Variants in BCAR3 observed in about 807,000 individuals in gnomAD.
The protein encoded by BCAR3 is breast cancer anti-estrogen resistance protein 3.
BCAR3 carries 37 observed loss-of-function variants against 80.1 expected under a neutral mutation model. The ratio of observed to expected loss-of-function variants is 0.46; its 90% CI spans 0.36 to 0.61. BCAR3 has a LOEUF of 0.61. Ranked by LOEUF, BCAR3 falls within the 20% of genes least tolerant of loss-of-function variation. BCAR3 has a pLI of 0.00. For synonymous variants in BCAR3, 389 were observed against 418.9 expected (o/e 0.93, Z 0.87); for missense variants, 978 against 1,068.2 (o/e 0.92, Z 1.18).
At chr1:93,647,086 T>C (rs931310857) in intron 2 of BCAR3, among the ~76,000 whole-genome samples, 6 of 152,242 alleles carry the variant, frequency 3.9e-5, no homozygotes, top group East Asian at 1.9e-4. Context: ...TAAAATATCT[T>C]TGTCTAACTC....
chr1:93,709,570 C>A (rs994450310), intron 2 of BCAR3, among the ~76,000 whole-genome samples: 23 of 152,164 alleles, frequency 1.5e-4, no homozygotes, highest in Admixed American at 1.5e-3. Flanking sequence ...ATAAGGATGT[C>A]TTACTGGCAT....
At position 93,592,147 on chromosome 1, in the gene BCAR3, T is replaced by C; in HGVS notation, c.486+118A>G. The C allele has an allele frequency of 7.0e-7, 1 of 1,420,746 alleles. No individual in the cohort carries two copies. Among genetic ancestry groups the C allele is most frequent in the African/African-American group, 1.4e-5 (1 of 69,796 alleles). The allele number at this position is 1,420,746 out of a possible 1,614,324, so 88.0% of individuals were successfully genotyped here. On this transcript the variant is annotated intron_variant, in intron 4 of 11. Coordinates refer to ENST00000260502, the MANE Select transcript of BCAR3 (RefSeq NM_003567.4). The surrounding 1 kb of genome is among the most constrained non-coding windows in gnomAD (Gnocchi z 4.8). ...AATGAAGTCATTTTTAGAGTATTTG[T>C]TTTTGGTTACACAGGTGCTTCCGCC...
intron 3 of BCAR3, chr1:93,602,550 ATCGTC>A: frequency 1.3e-5 from 2 of 152,264 alleles, no homozygotes; most frequent in Non-Finnish European, 2.9e-5. Flanking sequence ...TACATCTGGC[ATCGTC>A]TTACAAGTAA....
At chr1:93,832,245 G>T (rs1010691841) in intron 2 of BCAR3, among the ~76,000 whole-genome samples, 4 of 152,170 alleles carry the variant, frequency 2.6e-5, no homozygotes, top group African/African-American at 9.7e-5. Context: ...ACAAACCCCA[G>T]CCACATCTCC....
At chr1:93,574,459 GA>G (rs1260385260) in intron 8 of BCAR3, among the ~76,000 whole-genome samples, 1 of 152,172 alleles carries the variant, frequency 6.6e-6, no homozygotes, top group African/African-American at 2.4e-5. Flanking sequence ...CAGGTCACAA[GA>G]AACAAGCTAA....
At chr1:93,601,396 C>A (rs1347885630) in intron 3 of BCAR3, among the ~76,000 whole-genome samples, 3 of 152,196 alleles carry the variant, frequency 2.0e-5, no homozygotes, top group African/African-American at 7.2e-5. Flanking sequence ...AGTGCAAAGT[C>A]AACAGTTCCT....
intron 2 of BCAR3, among the ~76,000 whole-genome samples, chr1:93,790,001 G>A (rs934529142): frequency 1.3e-5 from 2 of 152,230 alleles, no homozygotes; most frequent in South Asian, 2.1e-4. Flanking sequence ...TCCCCATTTG[G>A]TCAGAAGTAG....
In BCAR3 at chr1:93,785,958, C is replaced by A. The variant is rs576474048; in HGVS notation, c.-63+59609G>T. Among the ~76,000 whole-genome samples the A allele has an allele frequency of 2.4e-4, 28 of 115,478 alleles. 2 individuals are homozygous for A. Among genetic ancestry groups the A allele is most frequent in the South Asian group, 4.8e-4 (2 of 4,140 alleles). 75.8% of individuals were successfully genotyped at this position (115,478 alleles called of 152,430 possible). A position where few individuals can be genotyped will look rare whatever the true frequency, so the allele number is the denominator to read the frequency against. On this transcript the variant is annotated intron_variant, in intron 2 of 13. Transcript: ENST00000370244. ...CCTGTAATCCCAGCACTTTGGGAGG[C>A]CGAGGCGGGCGGATCATGAGGTCAG...
intron 2 of BCAR3, among the ~76,000 whole-genome samples, chr1:93,810,352 C>T (rs2747047): frequency 0.6 from 91,623 of 151,938 alleles, 28,889 homozygotes; most frequent in East Asian, 0.78. Context: ...TTTTTGACAA[C>T]TAGCCCTTAA....
At chr1:93,568,239 A>T (rs1673046040) in intron 9 of BCAR3, 1 of 163,406 alleles carries the variant, frequency 6.1e-6, no homozygotes, top group African/African-American at 2.4e-5. Context: ...ATTTTGGAAC[A>T]GGTGATAGAT....
chr1:93,830,893 A>G (rs529378003), intron 2 of BCAR3, among the ~76,000 whole-genome samples: 3 of 152,218 alleles, frequency 2.0e-5, no homozygotes, highest in African/African-American at 7.2e-5. Context: ...AAATTGGGTA[A>G]GTGGTCTTTT....
At chr1:93,627,125 T>A (rs1001008138) in intron 3 of BCAR3, among the ~76,000 whole-genome samples, 1 of 152,248 alleles carries the variant, frequency 6.6e-6, no homozygotes, top group Admixed American at 6.5e-5. Context: ...ACTTTAATGA[T>A]TTTTCTGATG....
intron 2 of BCAR3, among the ~76,000 whole-genome samples, chr1:93,761,819 C>G (rs945628125): frequency 6.6e-6 from 1 of 152,196 alleles, no homozygotes; most frequent in African/African-American, 2.4e-5. Flanking sequence ...CACTTGCCTA[C>G]ATGCCCATGA....
upstream of BCAR3, among the ~76,000 whole-genome samples, chr1:93,685,361 GTGTGTGTGTGTA>G (rs1315210418): frequency 2.0e-5 from 3 of 151,968 alleles, no homozygotes; most frequent in Non-Finnish European, 4.4e-5. Flanking sequence ...CTATGTGTGT[GTGTGTGTGTGTA>G]TGTGTGTGTG....
intron 2 of BCAR3, among the ~76,000 whole-genome samples, chr1:93,746,053 C>T (rs1651347854): frequency 6.6e-6 from 1 of 152,182 alleles, no homozygotes. Context: ...AAGGCTGCAA[C>T]TTGCACGAAA....
intron 3 of BCAR3, among the ~76,000 whole-genome samples, chr1:93,698,172 G>C (rs1188495489): frequency 1.3e-5 from 2 of 152,162 alleles, no homozygotes; most frequent in Non-Finnish European, 2.9e-5. Context: ...GCAGAGCATG[G>C]GAAGCAGGAC....
intron 3 of BCAR3, among the ~76,000 whole-genome samples, chr1:93,596,284 G>A (rs550437507): frequency 2.0e-5 from 3 of 152,270 alleles, no homozygotes; most frequent in South Asian, 4.1e-4. Context: ...CAGAGAATAA[G>A]GTGTCAGGTC....
intron 2 of BCAR3, among the ~76,000 whole-genome samples, chr1:93,668,030 T>C (rs1343608847): frequency 6.6e-6 from 1 of 152,140 alleles, no homozygotes; most frequent in Non-Finnish European, 1.5e-5. Context: ...TCAACATATA[T>C]TGAGGGGCGT....
intron 2 of BCAR3, among the ~76,000 whole-genome samples, chr1:93,741,700 C>G (rs1400668196): frequency 6.6e-6 from 1 of 152,116 alleles, no homozygotes; most frequent in Admixed American, 6.6e-5. Context: ...TCTCGAGTAG[C>G]TGGGATTACA....
Sources: gnomAD v4.1 joint callset for allele counts (sites outside exome capture counted in the v4.1 genomes callset) on GRCh38, gnomAD v4.1.1 for gene constraint, Gnocchi (gnomAD v3.1) non-coding constraint, MANE v1.5 for transcripts, NCBI Gene and HGNC (gene_info 2026-07-23, HGNC 2026-07-21) for gene names.